The following CCSER1 variants were observed in gnomAD, a reference collection of about 807,000 sequenced individuals.
The protein encoded by CCSER1 is serine-rich coiled-coil domain-containing protein 1.
CCSER1 carries 41 observed loss-of-function variants against 82.0 expected under a neutral mutation model. The ratio of observed to expected loss-of-function variants is 0.50; its 90% CI spans 0.39 to 0.65. The LOEUF (loss-of-function observed/expected upper bound fraction) is 0.65. Among genes scored for constraint, CCSER1 ranks in the 30% least tolerant of loss-of-function variants. The pLI is 0.00. For missense variants in CCSER1, 1,119 were observed against 1,064.2 expected, an observed-to-expected ratio of 1.05 and a Z score of -0.72; for synonymous variants, 414 against 383.9, an observed-to-expected ratio of 1.08 and a Z score of -0.92.
chr4:90,527,709 A>G (rs1773969692), intron 5 of CCSER1, among the ~76,000 whole-genome samples: 1 of 152,138 alleles, frequency 6.6e-6, no homozygotes, highest in Non-Finnish European at 1.5e-5. Flanking sequence ...TAAATTGCTA[A>G]CATAAAAGAC....
At chr4:90,195,676 C>G (rs1183306292) in intron 1 of CCSER1, among the ~76,000 whole-genome samples, 1 of 152,006 alleles carries the variant, frequency 6.6e-6, no homozygotes, top group African/African-American at 2.4e-5. Context: ...ATCTCTATAA[C>G]TTCTGTTCAA....
At chr4:91,157,443 A>T (rs1373522140) in intron 10 of CCSER1, among the ~76,000 whole-genome samples, 2 of 151,820 alleles carry the variant, frequency 1.3e-5, no homozygotes, top group Non-Finnish European at 2.9e-5. Flanking sequence ...TAGAGTCACA[A>T]TTTTTCCAAT....
intron 1 of CCSER1, among the ~76,000 whole-genome samples, chr4:90,295,736 T>A (rs1731760605): frequency 6.6e-6 from 1 of 152,094 alleles, no homozygotes; most frequent in Admixed American, 6.6e-5. Context: ...CCTGTCTTAA[T>A]GTATCAATTA....
chr4:91,194,885 C>G (rs1186026605), intron 10 of CCSER1, among the ~76,000 whole-genome samples: 1 of 152,116 alleles, frequency 6.6e-6, no homozygotes, highest in Non-Finnish European at 1.5e-5. Context: ...AGAGGAAAAT[C>G]TTTAAGTGTT....
chr4:90,932,953 A>G lies in CCSER1; in HGVS notation c.2172+9506A>G, dbSNP rs866647755. 1.2e-4 allele frequency among the ~76,000 whole-genome samples: 5 copies of G among 40,574 alleles called. 2 individuals carry two copies. Among genetic ancestry groups the G allele is most frequent in the African/African-American group, 2.1e-4 (1 of 4,704 alleles). The allele number at this position is 40,574 out of a possible 152,430, so 26.6% of individuals were successfully genotyped here. On this transcript the variant is annotated intron_variant, in intron 9 of 10. Transcript: ENST00000509176. ...AAGAAAGAAAGAAAGAAAGAAAGAAAGAAAGAAAGAAAGAAAGAAAGAAAG... is the reference window on the plus strand; with the variant it reads ...AAGAAAGAAAGAAAGAAAGAAAGAAGGAAAGAAAGAAAGAAAGAAAGAAAG...
chr4:91,115,806 CTTTTTTTTTTTT>C (rs527629667), intron 10 of CCSER1, among the ~76,000 whole-genome samples: 1 of 101,560 alleles, frequency 9.8e-6, no homozygotes, highest in African/African-American at 3.8e-5. Context: ...CTAGCTTTTT[CTTTTTTTTTTTT>C]TTTTTTTCAA....
intron 10 of CCSER1, among the ~76,000 whole-genome samples, chr4:91,488,432 A>G (rs76457446): frequency 0.064 from 9,744 of 152,252 alleles, 534 homozygotes; most frequent in East Asian, 0.23. Context: ...TCTAAGCCTT[A>G]GAGATTGATA....
At chr4:90,590,504 C>T (rs1339446899) in intron 5 of CCSER1, among the ~76,000 whole-genome samples, 1 of 151,562 alleles carries the variant, frequency 6.6e-6, no homozygotes, top group Admixed American at 6.6e-5. Flanking sequence ...CACTTGAACT[C>T]AGGAGGCAGA....
Position 91,458,262 on chromosome 4 carries a change from A to G in CCSER1, c.2218-140310A>G, listed in dbSNP as rs111285662. ...TACTTATTAAAGAGACTCTTCCCCAATGTCCTTTCCCCCCATACAAGAGCA... is the reference window on the plus strand; with the variant it reads ...TACTTATTAAAGAGACTCTTCCCCAGTGTCCTTTCCCCCCATACAAGAGCA... On this transcript the variant is annotated intron_variant, in intron 10 of 10. Coordinates refer to ENST00000509176, the MANE Select transcript of CCSER1 (RefSeq NM_001145065.2). Among the ~76,000 whole-genome samples the G allele has an allele frequency of 7.1e-4, 108 of 152,154 alleles. 1 individual carries two copies. Among genetic ancestry groups the G allele is most frequent in the Non-Finnish European group, 1.2e-3 (79 of 67,966 alleles).
Position 90,967,171 on chromosome 4 carries a change from G to T in CCSER1, c.2172+43724G>T, listed in dbSNP as rs538511306. Among the ~76,000 whole-genome samples the T allele has an allele frequency of 2.0e-5, 3 of 152,142 alleles. No homozygotes were observed. In the East Asian group the frequency reaches 5.8e-4, roughly 29 times the overall value. On this transcript the variant is annotated intron_variant, in intron 9 of 10. Coordinates refer to ENST00000509176, the MANE Select transcript of CCSER1 (RefSeq NM_001145065.2). ...GTAAAAGGAAAGTCATTTTGGGCTG[G>T]GTGTGGTGGCTCATGCTTGTAATCA...
intron 10 of CCSER1, among the ~76,000 whole-genome samples, chr4:91,290,271 T>C (rs1002160462): frequency 6.6e-6 from 1 of 152,006 alleles, no homozygotes; most frequent in Non-Finnish European, 1.5e-5. Flanking sequence ...AAAACTTTGC[T>C]TTAAAAATAT....
intron 10 of CCSER1, among the ~76,000 whole-genome samples, chr4:91,543,496 GGTGGTGACAA>G (rs1761718535): frequency 1.3e-5 from 2 of 152,052 alleles, no homozygotes; most frequent in African/African-American, 2.4e-5. Context: ...AGGCTGGCCT[GGTGGTGACAA>G]AATCTCTCAG....
At position 91,498,468 on chromosome 4, in the gene CCSER1, T is replaced by A. The variant is rs200452782; in HGVS notation, c.2218-100104T>A. Among the ~76,000 whole-genome samples, 8 of 146,082 alleles carry A rather than the reference T, an allele frequency of 5.5e-5. No homozygotes were observed. The South Asian group carries it at 1.5e-3, about 28-fold the overall frequency. Reference sequence around the variant, plus strand: ...TTTGTTCTATTTATGCTTTTTTTTTTAATTTTCAGGGTGACCTTGAGAATG... The same window carrying A: ...TTTGTTCTATTTATGCTTTTTTTTTAAATTTTCAGGGTGACCTTGAGAATG... On this transcript the variant is annotated intron_variant, in intron 10 of 10. Coordinates refer to ENST00000509176, the MANE Select transcript of CCSER1 (RefSeq NM_001145065.2).
chr4:91,079,862 GCTAA>G (rs984549589), intron 9 of CCSER1, among the ~76,000 whole-genome samples: 5 of 152,122 alleles, frequency 3.3e-5, no homozygotes, highest in African/African-American at 1.2e-4. Context: ...AACAAAAAGA[GCTAA>G]CTATTCTAAA....
At chr4:91,180,047 A>C (rs1733845919) in intron 10 of CCSER1, among the ~76,000 whole-genome samples, 1 of 152,208 alleles carries the variant, frequency 6.6e-6, no homozygotes, top group Non-Finnish European at 1.5e-5. Context: ...CCCCAGCTGC[A>C]GGTCTATTGG....
intron 10 of CCSER1, among the ~76,000 whole-genome samples, chr4:91,172,541 T>A (rs957726102): frequency 6.6e-6 from 1 of 152,186 alleles, no homozygotes; most frequent in African/African-American, 2.4e-5. Context: ...TTGGAAGCAA[T>A]GATTAATATT....
chr4:91,072,869 G>T (rs1382942809), intron 9 of CCSER1, among the ~76,000 whole-genome samples: 2 of 152,022 alleles, frequency 1.3e-5, no homozygotes, highest in African/African-American at 4.8e-5. Context: ...ACTGCATAAT[G>T]CCTGGCACCT....
intron 5 of CCSER1, among the ~76,000 whole-genome samples, chr4:90,625,438 T>C (rs1723087206): frequency 6.6e-6 from 1 of 152,214 alleles, no homozygotes; most frequent in African/African-American, 2.4e-5. Context: ...TGCCGGCCTT[T>C]GCAGCTGAGT....
chr4:90,695,746 G>A (rs1050772799), intron 6 of CCSER1, among the ~76,000 whole-genome samples: 1 of 151,902 alleles, frequency 6.6e-6, no homozygotes, highest in East Asian at 1.9e-4. Context: ...ATATTATTAA[G>A]CCAAATATTT....
Sources: allele counts gnomAD v4.1 joint callset (sites outside exome capture counted in the v4.1 genomes callset), GRCh38; gene constraint gnomAD v4.1.1; transcripts MANE v1.5; gene names NCBI Gene and HGNC (gene_info 2026-07-23, HGNC 2026-07-21).